Variants in PARM1 observed in about 807,000 individuals in gnomAD.
PARM1 encodes prostate androgen-regulated mucin-like protein 1.
A neutral mutation model predicts 24.6 loss-of-function variants in PARM1; 14 were observed. The ratio of observed to expected loss-of-function variants is 0.57; its 90% confidence interval spans 0.38 to 0.89. The LOEUF is 0.89. PARM1 is among the 40% of genes least tolerant of loss of function. The pLI is 0.00. For missense variants in PARM1, 362 were observed against 380.4 expected, an observed-to-expected ratio of 0.95 and a Z score of 0.40; for synonymous variants, 179 against 156.6, an observed-to-expected ratio of 1.14 and a Z score of -1.07.
At chr4:75,004,108 G>A (rs1020738870) in intron 1 of PARM1, among the ~76,000 whole-genome samples, 2 of 152,162 alleles carry the variant, frequency 1.3e-5, no homozygotes, top group African/African-American at 2.4e-5. Flanking sequence ...TGTGTTAACA[G>A]GTCATTTTCA....
chr4:74,996,633 A>C (rs1303293671), intron 1 of PARM1, among the ~76,000 whole-genome samples: 1 of 152,156 alleles, frequency 6.6e-6, no homozygotes, highest in African/African-American at 2.4e-5. Context: ...GGAGATTCAG[A>C]CTTGCTAATT....
chr4:75,001,365 A>G (rs920958590), intron 1 of PARM1, among the ~76,000 whole-genome samples: 3 of 152,268 alleles, frequency 2.0e-5, no homozygotes, highest in Non-Finnish European at 4.4e-5. Context: ...TTGAGGCAAA[A>G]GAGAATATAT....
chr4:75,033,838 C>T (rs1035952367), intron 2 of PARM1, 45 bp from the exon 3 acceptor site: 7 of 1,505,716 alleles, frequency 4.6e-6, no homozygotes, highest in South Asian at 1.2e-5. Flanking sequence ...CATGATGCCC[C>T]GTATCCTCAT....
At position 74,989,048 on chromosome 4, in the gene PARM1, A is replaced by G. The variant is rs1722411986; in HGVS notation, c.44-23377A>G. On this transcript the variant is annotated intron_variant, in intron 1 of 3. Coordinates refer to ENST00000307428, the MANE Select transcript of PARM1 (RefSeq NM_015393.4). ...TTGAGGGCGTCCAAGGATAGAGAGG[A>G]AAAAACCAAAGTATTTTTTTCGTAT... Among the ~76,000 whole-genome samples, 3 of 152,090 alleles carry G rather than the reference A, an allele frequency of 2.0e-5. No homozygotes were observed. The South Asian group carries it at 6.2e-4, about 32-fold the overall frequency.
At chr4:75,036,611 C>A (rs954827977) in intron 3 of PARM1, among the ~76,000 whole-genome samples, 2 of 152,182 alleles carry the variant, frequency 1.3e-5, no homozygotes, top group Admixed American at 1.3e-4. Flanking sequence ...ATGTGCCAGG[C>A]CACATTAGTG....
chr4:74,999,126 C>T (rs187438046), intron 1 of PARM1: 5 of 152,362 alleles, frequency 3.3e-5, no homozygotes, highest in Admixed American at 6.5e-5. Context: ...GTACATCCAG[C>T]CTGGTACACT....
intron 1 of PARM1, among the ~76,000 whole-genome samples, chr4:74,948,627 T>A (rs1224672895): frequency 1.3e-5 from 2 of 152,052 alleles, no homozygotes; most frequent in Admixed American, 6.5e-5. Flanking sequence ...GTGAATGCAC[T>A]GGACACCAAA....
chr4:74,933,596 C>T (rs1416935393), intron 1 of PARM1, among the ~76,000 whole-genome samples: 3 of 152,222 alleles, frequency 2.0e-5, no homozygotes, highest in Non-Finnish European at 4.4e-5. Context: ...CCCGCGCCCG[C>T]ACAAACTCCA....
chr4:74,983,472 C>A (rs1233265818), intron 1 of PARM1, among the ~76,000 whole-genome samples: 1 of 152,186 alleles, frequency 6.6e-6, no homozygotes, highest in Non-Finnish European at 1.5e-5. Flanking sequence ...CAGTGGATAG[C>A]ACTACCAGCT....
intron 1 of PARM1, among the ~76,000 whole-genome samples, chr4:74,935,393 C>T (rs755590804): frequency 7.9e-5 from 12 of 152,052 alleles, no homozygotes; most frequent in Non-Finnish European, 1.3e-4. Flanking sequence ...GCATAAATAC[C>T]TCATGAGATT....
chr4:75,022,255 CTTAGT>C (rs1723101191), intron 2 of PARM1, among the ~76,000 whole-genome samples: 1 of 152,154 alleles, frequency 6.6e-6, no homozygotes, highest in African/African-American at 2.4e-5. Context: ...ATTCTTTAAA[CTTAGT>C]TTAAACCTCA....
chr4:74,943,914 C>T (rs2109981743), intron 1 of PARM1, among the ~76,000 whole-genome samples: 1 of 152,292 alleles, frequency 6.6e-6, no homozygotes, highest in African/African-American at 2.4e-5. Flanking sequence ...TGGGCATTTC[C>T]TTGACCTTAG....
rs755786391 is a variant in PARM1, at chr4:74,948,599, C to T, written c.43+15229C>T. On this transcript the variant is annotated intron_variant, in intron 1 of 3. Transcript: ENST00000307428. The stretch of plus-strand genomic sequence containing the variant: ...CTGCAACACCACTTGGATCAGGAAT[C>T]GCACAGTGAGAGTCATGGTGAATGC... 9.9e-5 allele frequency among the ~76,000 whole-genome samples: 15 copies of T among 152,100 alleles called. 1 individual carries two copies. The highest frequency in any genetic ancestry group is 3.6e-4 in the African/African-American group (15 of 41,396).
chr4:75,031,553 G>A (rs1279502571), intron 2 of PARM1, among the ~76,000 whole-genome samples: 2 of 152,006 alleles, frequency 1.3e-5, no homozygotes, highest in Non-Finnish European at 2.9e-5. Context: ...TCACACTTTA[G>A]TTGGAGAACC....
chr4:75,020,047 A>G (rs1168304317), intron 2 of PARM1, among the ~76,000 whole-genome samples: 2 of 149,746 alleles, frequency 1.3e-5, no homozygotes, highest in Non-Finnish European at 3.0e-5. Context: ...AGAAAATTTC[A>G]GAAGCGAAAA....
chr4:75,013,107 TCC>T lies in PARM1; in HGVS notation c.728_729del (p.Pro243GlnfsTer52). On this transcript the variant is annotated frameshift_variant, in exon 2 of 4. Coordinates refer to ENST00000307428, the MANE Select transcript of PARM1 (RefSeq NM_015393.4). LOFTEE classifies it high-confidence loss of function. ...LIDMETTTTF[P>X]RVIMQEVEHA... Reference sequence around the variant, plus strand: ...TAGACATGGAGACCACCACCACCTTTCCCAGGGTGATCATGCAGGAAGTAGAA... The same window carrying T: ...TAGACATGGAGACCACCACCACCTTTCAGGGTGATCATGCAGGAAGTAGAA... The T allele has an allele frequency of 6.2e-7, 1 of 1,613,886 alleles. No individual in the cohort carries two copies. The highest frequency in any genetic ancestry group is 8.5e-7 in the Non-Finnish European group (1 of 1,179,846).
chr4:75,001,828 G>A (rs1722685600), intron 1 of PARM1, among the ~76,000 whole-genome samples: 1 of 152,168 alleles, frequency 6.6e-6, no homozygotes, highest in South Asian at 2.1e-4. Flanking sequence ...CTAAGTTTGA[G>A]CTGTTTTCCC....
intron 1 of PARM1, among the ~76,000 whole-genome samples, chr4:74,963,602 G>A (rs1019021848): frequency 6.6e-6 from 1 of 152,280 alleles, no homozygotes; most frequent in South Asian, 2.1e-4. Flanking sequence ...TCTAGAATAG[G>A]CAAGTCAAAG....
At position 75,046,251 on chromosome 4, in the gene PARM1, T is replaced by C. The variant is rs1044125199; in HGVS notation, c.*4T>C. 1 of 1,576,382 alleles carries C rather than the reference T, an allele frequency of 6.3e-7. No homozygotes were observed. Among genetic ancestry groups the C allele is most frequent in the African/African-American group, 1.3e-5 (1 of 74,192 alleles). On this transcript the variant is annotated 3_prime_UTR_variant, in exon 4 of 4. Coordinates refer to ENST00000307428, the MANE Select transcript of PARM1 (RefSeq NM_015393.4). The stretch of plus-strand genomic sequence containing the variant: ...CCCTCTGTACGATGACTCCTAACAA[T>C]GGAATATGGCCTGGGATGAGGATTA...
Sources: gnomAD v4.1 joint callset for allele counts (sites outside exome capture counted in the v4.1 genomes callset) on GRCh38, gnomAD v4.1.1 for gene constraint, MANE v1.5 for transcripts, NCBI Gene and HGNC (gene_info 2026-07-23, HGNC 2026-07-21) for gene names.